GOLGB1: variants seen among roughly 807,000 people sequenced by gnomAD.
GOLGB1 encodes golgin B1.
In GOLGB1, 174 loss-of-function variants were observed where a neutral mutation model predicts 336.9. The ratio of observed to expected loss-of-function variants is 0.52; its 90% CI spans 0.46 to 0.59. GOLGB1 has a LOEUF of 0.59. Ranked by LOEUF, GOLGB1 falls within the 20% of genes least tolerant of loss-of-function variation. The pLI is 0.00. For synonymous variants in GOLGB1, 1,208 were observed against 1,289.2 expected (o/e 0.94, Z 1.35); for missense variants, 3,331 against 3,645.3 (o/e 0.91, Z 2.22).
intron 1 of GOLGB1, among the ~76,000 whole-genome samples, chr3:121,733,912 G>C (rs1946294940): frequency 1.3e-5 from 2 of 152,176 alleles, no homozygotes; most frequent in African/African-American, 2.4e-5. Flanking sequence ...AAATGGATCA[G>C]AGACCTAAAC....
Position 121,695,593 on chromosome 3 carries a change from C to T in GOLGB1, c.4930G>A (p.Val1644Met). 6.2e-7 allele frequency: 1 copy of T among 1,614,104 alleles called. No individual in the cohort carries two copies. The highest frequency in any genetic ancestry group is 8.5e-7 in the Non-Finnish European group (1 of 1,180,020). ...TACAGTTCTTGTTTCTCTTGCCTCA[C>T]AGCTTCCACCACATGCTGAATCCTT... ...AERIQHVVEA[V>M]RQEKQELYGK... Residue 1644 changes from valine (V) to methionine (M), a missense_variant, in exon 13 of 22, where the codon GTG (valine) becomes ATG (methionine). Transcript: ENST00000614479.
chr3:121,697,484 TC>T lies in GOLGB1; in HGVS notation c.3038del (p.Arg1013LysfsTer9). ...ALINRKELLQRVSRLEEELAN... is the reference protein window; with the variant it reads ...ALINRKELLQXVSRLEEELAN... The stretch of plus-strand genomic sequence containing the variant: ...CTAATTCTTCTTCCAATCTACTGAC[TC>T]TTTGCAGAAGCTCCTTTCTGTTAAT... On this transcript the variant is annotated frameshift_variant, in exon 13 of 22. Coordinates refer to ENST00000614479, the MANE Select transcript of GOLGB1 (RefSeq NM_001366282.2). LOFTEE classifies it high-confidence loss of function. The T allele has an allele frequency of 6.2e-7, 1 of 1,611,580 alleles. No homozygotes were observed. Among genetic ancestry groups the T allele is most frequent in the Non-Finnish European group, 8.5e-7 (1 of 1,179,478 alleles).
intron 14 of GOLGB1, among the ~76,000 whole-genome samples, chr3:121,687,914 CAA>C (rs1941919639): frequency 6.6e-6 from 1 of 152,112 alleles, no homozygotes; most frequent in Non-Finnish European, 1.5e-5. Flanking sequence ...GCTCCCAGGG[CAA>C]AGTCAGCTAA....
chr3:121,747,307 A>G (rs1947393279), intron 1 of GOLGB1, among the ~76,000 whole-genome samples: 1 of 143,738 alleles, frequency 7.0e-6, no homozygotes, highest in Non-Finnish European at 1.5e-5. Context: ...GTATATATGT[A>G]TATATGTATA....
At chr3:121,683,670 G>T (rs142421667) in intron 14 of GOLGB1, among the ~76,000 whole-genome samples, 152 of 152,176 alleles carry the variant, frequency 1.0e-3, no homozygotes, top group African/African-American at 3.4e-3. Context: ...ACTAGAGAAG[G>T]TAATTTAGAA....
chr3:121,689,647 T>TA (rs1560207002), intron 14 of GOLGB1, among the ~76,000 whole-genome samples: 322 of 114,470 alleles, frequency 2.8e-3, no homozygotes, highest in African/African-American at 9.3e-3. Context: ...GAATGATCAA[T>TA]TAAAAAAAAA....
intron 10 of GOLGB1, among the ~76,000 whole-genome samples, chr3:121,711,520 T>A (rs1418197726): frequency 1.3e-5 from 2 of 152,064 alleles, no homozygotes; most frequent in African/African-American, 4.8e-5. Flanking sequence ...ACTGGAGGCA[T>A]AAAAATTAGA....
chr3:121,731,287 C>T (rs1280852093), intron 1 of GOLGB1, among the ~76,000 whole-genome samples: 1 of 152,134 alleles, frequency 6.6e-6, no homozygotes, highest in Non-Finnish European at 1.5e-5. Flanking sequence ...TTGTTAAATA[C>T]ACCTTAAAGG....
chr3:121,673,865 C>T (rs1408110482), intron 17 of GOLGB1, among the ~76,000 whole-genome samples: 3 of 152,092 alleles, frequency 2.0e-5, no homozygotes, highest in Admixed American at 6.6e-5. Flanking sequence ...GGATTACAGG[C>T]GTGCACCACC....
At chr3:121,702,670 G>T in intron 10 of GOLGB1, 75 bp from the exon 11 acceptor site, 1 of 573,084 alleles carries the variant, frequency 1.7e-6, no homozygotes. Flanking sequence ...ATAGCCTCCA[G>T]CATTTTTGTC....
rs562327701 is a variant in GOLGB1 at position 121,734,927 on chromosome 3, G to A, written c.-2-3954C>T. Among the ~76,000 whole-genome samples, 10 of 152,300 alleles carry A rather than the reference G, an allele frequency of 6.6e-5. No homozygotes were observed. In the East Asian group the frequency reaches 1.9e-3, roughly 29 times the overall value. On this transcript the variant is annotated intron_variant, in intron 1 of 21. Transcript: ENST00000614479. The stretch of plus-strand genomic sequence containing the variant: ...TCAACAAGTGAATGAATAACAAACT[G>A]TAGCACATCCAAACAATGGAATACT...
chr3:121,670,763 G>GT (rs1939418917), intron 17 of GOLGB1, among the ~76,000 whole-genome samples: 1 of 148,750 alleles, frequency 6.7e-6, no homozygotes, highest in Admixed American at 6.7e-5. Flanking sequence ...TTTGGGGGGG[G>GT]GGGTGTGGGA....
At chr3:121,673,117 T>C (rs1220114174) in intron 17 of GOLGB1, among the ~76,000 whole-genome samples, 1 of 151,672 alleles carries the variant, frequency 6.6e-6, no homozygotes, top group Non-Finnish European at 1.5e-5. Flanking sequence ...TCACCCAGGC[T>C]GGAGTGCAGT....
chr3:121,673,688 T>TATCTATCC (rs201557002), intron 17 of GOLGB1, among the ~76,000 whole-genome samples: 9,883 of 96,872 alleles, frequency 0.1, 335 homozygotes, highest in African/African-American at 0.12. Flanking sequence ...ATGGGATTGC[T>TATCTATCC]ATCTATCTAT....
In GOLGB1 at chr3:121,690,767, C is replaced by T; in HGVS notation, c.8597G>A (p.Gly2866Glu). The T allele has an allele frequency of 6.3e-7, 1 of 1,589,058 alleles. No individual in the cohort carries two copies. Among genetic ancestry groups the T allele is most frequent in the Non-Finnish European group, 8.6e-7 (1 of 1,169,214 alleles). Residue 2866 changes from glycine to glutamate, a missense_variant, in exon 14 of 22, where the codon GGG becomes GAG. By Grantham distance (98) the Gly-to-Glu change is moderately conservative. Transcript: ENST00000614479. Reference sequence around the variant, plus strand: ...AGGCTGAGCTGCAGACCTCTGCTTCCCTTCCTCTGACTTTCGAAATTTCTC... The same window carrying T: ...AGGCTGAGCTGCAGACCTCTGCTTCTCTTCCTCTGACTTTCGAAATTTCTC... ...ELEKFRKSEE[G>E]KQRSAAQPST...
intron 14 of GOLGB1, among the ~76,000 whole-genome samples, chr3:121,688,219 TCTCC>T (rs1187154955): frequency 6.6e-6 from 1 of 152,142 alleles, no homozygotes; most frequent in Non-Finnish European, 1.5e-5. Flanking sequence ...CTTTCCACGG[TCTCC>T]CTCTGATGCC....
intron 5 of GOLGB1, 87 bp downstream of exon 5, chr3:121,726,826 A>G: frequency 1.1e-6 from 1 of 946,134 alleles, no homozygotes; most frequent in African/African-American, 1.7e-5. Flanking sequence ...CCCATTGTGC[A>G]TCTAGAAAAA....
Position 121,698,889 on chromosome 3 carries a change from G to C in GOLGB1, c.1634C>G (p.Ala545Gly), listed in dbSNP as rs201931896. Residue 545 changes from alanine to glycine, a missense_variant, in exon 13 of 22, where the codon GCT becomes GGT. Ala to Gly is a moderately conservative substitution (Grantham distance 60). Coordinates refer to ENST00000614479, the MANE Select transcript of GOLGB1 (RefSeq NM_001366282.2). Reference sequence around the variant, plus strand: ...TAGAACATCTTGTCCACTTTCCTCAGCAGAAGAGCTCCTCTTGTTGGCAAT... The same window carrying C: ...TAGAACATCTTGTCCACTTTCCTCACCAGAAGAGCTCCTCTTGTTGGCAAT... ...VDIANKRSSS[A>G]EESGQDVLEN... 1,176 of 1,598,222 alleles carry C rather than the reference G, an allele frequency of 7.4e-4. 14 individuals are homozygous for C. The South Asian group carries it at 0.011, about 15-fold the overall frequency.
chr3:121,704,417 C>T (rs945380432), intron 10 of GOLGB1, among the ~76,000 whole-genome samples: 1 of 151,978 alleles, frequency 6.6e-6, no homozygotes. Context: ...AACAATAATT[C>T]GAATGACTAC....
Sources: allele counts gnomAD v4.1 joint callset (sites outside exome capture counted in the v4.1 genomes callset), GRCh38; gene constraint gnomAD v4.1.1; transcripts MANE v1.5; gene names NCBI Gene and HGNC (gene_info 2026-07-23, HGNC 2026-07-21).